SLC25A26: variants seen among roughly 807,000 people sequenced by gnomAD.
SLC25A26 encodes mitochondrial S-adenosylmethionine carrier protein.
In SLC25A26, 36 loss-of-function variants were observed where a neutral mutation model predicts 37.8. The observed-to-expected ratio is 0.95, with a 90% confidence interval of 0.73 to 1.26. The LOEUF is 1.26. Among genes scored for constraint, SLC25A26 ranks in the 50% most tolerant of loss-of-function variants. The pLI is 0.00. For synonymous variants in SLC25A26, 129 were observed against 122.5 expected (o/e 1.05, Z -0.35); for missense variants, 390 against 331.1 (o/e 1.18, Z -1.38).
At chr3:66,276,188 A>G (rs760325079) in intron 5 of SLC25A26, among the ~76,000 whole-genome samples, 1 of 152,126 alleles carries the variant, frequency 6.6e-6, no homozygotes, top group Non-Finnish European at 1.5e-5. Flanking sequence ...CTTTACATAT[A>G]TTTTCCTAAT....
chr3:66,284,611 C>A (rs970138466), intron 5 of SLC25A26, among the ~76,000 whole-genome samples: 1 of 152,050 alleles, frequency 6.6e-6, no homozygotes, highest in Non-Finnish European at 1.5e-5. Context: ...TATGTAAGTG[C>A]ATGGAATAAT....
chr3:66,305,133 G>A (rs1045771357), intron 5 of SLC25A26, among the ~76,000 whole-genome samples: 5 of 152,130 alleles, frequency 3.3e-5, no homozygotes, highest in African/African-American at 9.7e-5. Context: ...TAATGTACAC[G>A]CTCATTATAG....
intron 1 of SLC25A26, among the ~76,000 whole-genome samples, chr3:66,160,414 C>T (rs1019706261): frequency 4.6e-5 from 7 of 152,162 alleles, no homozygotes; most frequent in African/African-American, 1.7e-4. Context: ...ATGTTCAGAG[C>T]CAAAACACTG....
At chr3:66,168,843 C>T (rs1346119300) in intron 1 of SLC25A26, among the ~76,000 whole-genome samples, 1 of 152,132 alleles carries the variant, frequency 6.6e-6, no homozygotes, top group Non-Finnish European at 1.5e-5. Flanking sequence ...AAAAAATGGC[C>T]AGATATGGTG....
At chr3:66,255,664 A>G (rs544784003) in intron 3 of SLC25A26, among the ~76,000 whole-genome samples, 63 of 152,346 alleles carry the variant, frequency 4.1e-4, no homozygotes, top group Non-Finnish European at 7.8e-4. Flanking sequence ...GGATTTACCA[A>G]GAGACCCACA....
chr3:66,359,695 C>G (rs1351309147), intron 6 of SLC25A26, among the ~76,000 whole-genome samples: 1 of 152,126 alleles, frequency 6.6e-6, no homozygotes, highest in South Asian at 2.1e-4. Context: ...ATTCCATTGT[C>G]TTGTTTCTTA....
intron 1 of SLC25A26, among the ~76,000 whole-genome samples, chr3:66,208,822 AC>A (rs2071220024): frequency 7.5e-6 from 1 of 133,926 alleles, no homozygotes; most frequent in South Asian, 2.4e-4. Flanking sequence ...ATATATATAT[AC>A]CTTTATATGG....
intron 1 of SLC25A26, among the ~76,000 whole-genome samples, chr3:66,151,780 G>A (rs1360923435): frequency 1.3e-5 from 2 of 152,188 alleles, no homozygotes; most frequent in Non-Finnish European, 2.9e-5. Flanking sequence ...CCTCTCCAGT[G>A]TAGTAGTTAC....
chr3:66,273,772 A>G (rs2074036695), intron 5 of SLC25A26, among the ~76,000 whole-genome samples: 1 of 152,214 alleles, frequency 6.6e-6, no homozygotes. Context: ...ATGGAAGAAC[A>G]TTCCATGCTC....
rs908047761 is a variant in SLC25A26 at position 66,333,176 on chromosome 3, G to A, written c.454-13188G>A. Among the ~76,000 whole-genome samples the A allele has an allele frequency of 2.0e-5, 3 of 152,140 alleles. No individual in the cohort carries two copies. The East Asian group carries it at 5.8e-4, about 29-fold the overall frequency. ...AAGATCTGTGTGTAGAATAACATGAGCTCTTTTAATCGGCAGACCAAGGTC... is the reference window on the plus strand; with the variant it reads ...AAGATCTGTGTGTAGAATAACATGAACTCTTTTAATCGGCAGACCAAGGTC... On this transcript the variant is annotated intron_variant, in intron 5 of 9. Coordinates refer to ENST00000354883, the MANE Select transcript of SLC25A26 (RefSeq NM_001379210.1).
rs2076673663 is a variant in SLC25A26, at chr3:66,360,507, A to T, written c.499-2353A>T. ...TGTCGAAAATTTGATGAGCTTTATA[A>T]AAAAAAAGCTATGAGGTTGGTAACT... On this transcript the variant is annotated intron_variant, in intron 6 of 9. Coordinates refer to ENST00000354883, the MANE Select transcript of SLC25A26 (RefSeq NM_001379210.1). Among the ~76,000 whole-genome samples the T allele has an allele frequency of 2.6e-5, 4 of 152,070 alleles. No individual in the cohort carries two copies. The South Asian group carries it at 8.3e-4, about 32-fold the overall frequency.
intron 1 of SLC25A26, among the ~76,000 whole-genome samples, chr3:66,150,531 A>C (rs1345477428): frequency 1.5e-5 from 2 of 133,238 alleles, no homozygotes; most frequent in African/African-American, 2.8e-5. Flanking sequence ...AATGATATAT[A>C]TATATATATA....
At chr3:66,352,889 C>T (rs1398035237) in intron 6 of SLC25A26, among the ~76,000 whole-genome samples, 4 of 152,174 alleles carry the variant, frequency 2.6e-5, no homozygotes, top group African/African-American at 4.8e-5. Context: ...GTAGGACTTT[C>T]CCCTCCTCCC....
chr3:66,330,758 T>C (rs1041925188), intron 5 of SLC25A26, among the ~76,000 whole-genome samples: 1 of 152,022 alleles, frequency 6.6e-6, no homozygotes, highest in African/African-American at 2.4e-5. Flanking sequence ...CATGAATGAT[T>C]CTGTCTATAA....
intron 1 of SLC25A26, among the ~76,000 whole-genome samples, chr3:66,213,940 T>A (rs2106842697): frequency 6.6e-6 from 1 of 152,130 alleles, no homozygotes; most frequent in South Asian, 2.1e-4. Context: ...AAAAAAAAGG[T>A]AATTATTCAT....
intron 1 of SLC25A26, among the ~76,000 whole-genome samples, chr3:66,163,347 T>C (rs1429164616): frequency 3.9e-5 from 6 of 152,206 alleles, no homozygotes; most frequent in Non-Finnish European, 5.9e-5. Context: ...CTCTGCAAGA[T>C]TGATATATTT....
intron 5 of SLC25A26, among the ~76,000 whole-genome samples, chr3:66,290,994 C>T (rs773182017): frequency 2.6e-5 from 4 of 152,048 alleles, no homozygotes; most frequent in African/African-American, 9.7e-5. Flanking sequence ...ATTTCAGAGC[C>T]TGTTATTGGT....
intron 1 of SLC25A26, among the ~76,000 whole-genome samples, chr3:66,179,077 T>A (rs190912160): frequency 1.9e-3 from 292 of 152,260 alleles, no homozygotes; most frequent in African/African-American, 6.5e-3. Flanking sequence ...GCTGAAAAAA[T>A]TGTTAACATT....
At chr3:66,242,168 T>G (rs2072615718) in intron 2 of SLC25A26, among the ~76,000 whole-genome samples, 1 of 152,186 alleles carries the variant, frequency 6.6e-6, no homozygotes, top group Non-Finnish European at 1.5e-5. Context: ...GGAGGAAGTT[T>G]TACCACTGTC....
Sources: gnomAD v4.1 joint callset for allele counts (sites outside exome capture counted in the v4.1 genomes callset) on GRCh38, gnomAD v4.1.1 for gene constraint, MANE v1.5 for transcripts, NCBI Gene and HGNC (gene_info 2026-07-23, HGNC 2026-07-21) for gene names.